TEAD4: variants seen among roughly 807,000 people sequenced by gnomAD.
The protein encoded by TEAD4 is TEA domain transcription factor 4.
Under a neutral mutation model 52.4 loss-of-function variants are expected in TEAD4, and 36 were observed. The observed-to-expected ratio is 0.69, with a 90% CI of 0.53 to 0.91. The LOEUF is 0.91. TEAD4 is among the 40% of genes least tolerant of loss of function. TEAD4 has a pLI of 0.00. For synonymous variants in TEAD4, 220 were observed against 231.0 expected, an observed-to-expected ratio of 0.95 and a Z score of 0.43; for missense variants, 508 against 583.9, an observed-to-expected ratio of 0.87 and a Z score of 1.34.
At chr12:3,017,852 C>T (rs573762690) in intron 6 of TEAD4, among the ~76,000 whole-genome samples, 7 of 152,304 alleles carry the variant, frequency 4.6e-5, no homozygotes, top group East Asian at 1.9e-4. Context: ...GGGGGCTGAG[C>T]GGAAGCCTGA....
chr12:3,014,594 C>T (rs915414359), intron 5 of TEAD4, among the ~76,000 whole-genome samples: 1 of 152,206 alleles, frequency 6.6e-6, no homozygotes, highest in Non-Finnish European at 1.5e-5. Flanking sequence ...TGGCTCTGCC[C>T]CGTGGCCGTG....
chr12:2,980,193 G>T (rs529373486), intron 2 of TEAD4, among the ~76,000 whole-genome samples: 1 of 152,096 alleles, frequency 6.6e-6, no homozygotes, highest in South Asian at 2.1e-4. Flanking sequence ...TTTCTTCCCC[G>T]AGATTCTTTC....
chr12:3,037,881 G>A lies in TEAD4; in HGVS notation c.898-87G>A, dbSNP rs189536401. The A allele has an allele frequency of 2.0e-5, 30 of 1,497,006 alleles. No individual in the cohort carries two copies. In the East Asian group the frequency reaches 4.3e-4, roughly 21 times the overall value. The allele number at this position is 1,497,006 out of a possible 1,614,324, so 92.7% of individuals were successfully genotyped here. A position where few individuals can be genotyped will look rare whatever the true frequency, so the allele number is the denominator to read the frequency against. On this transcript the variant is annotated intron_variant, in intron 10 of 12. Transcript: ENST00000359864. ...CTGATTTCTTCCCAGCCCTAGAGCCGGGACCGGGACCCTGAGGTCTCCTTG... is the reference window on the plus strand; with the variant it reads ...CTGATTTCTTCCCAGCCCTAGAGCCAGGACCGGGACCCTGAGGTCTCCTTG...
chr12:2,989,091 A>C (rs988033748), intron 2 of TEAD4, among the ~76,000 whole-genome samples: 1 of 152,086 alleles, frequency 6.6e-6, no homozygotes, highest in African/African-American at 2.4e-5. Context: ...CAGGTAAAAC[A>C]ACCCAGGGCA....
intron 11 of TEAD4, among the ~76,000 whole-genome samples, chr12:3,039,725 TC>T: frequency 6.6e-6 from 1 of 152,344 alleles, no homozygotes; most frequent in Non-Finnish European, 1.5e-5. Context: ...TCTCACTCTG[TC>T]GCCCAGGCTG....
intron 9 of TEAD4, among the ~76,000 whole-genome samples, chr12:3,021,341 A>C (rs2098268588): frequency 7.6e-6 from 1 of 131,996 alleles, no homozygotes; most frequent in African/African-American, 2.9e-5. Flanking sequence ...ACAGAGCCTC[A>C]CTCTGTCACC....
chr12:3,020,395 AGAGTGCT>A (rs1282454732), intron 8 of TEAD4, among the ~76,000 whole-genome samples: 2 of 151,846 alleles, frequency 1.3e-5, no homozygotes, highest in African/African-American at 4.8e-5. Flanking sequence ...GGTTCCATGC[AGAGTGCT>A]GAGTGGCCCG....
intron 5 of TEAD4, among the ~76,000 whole-genome samples, chr12:3,012,536 T>G (rs919102732): frequency 2.6e-5 from 4 of 152,072 alleles, no homozygotes; most frequent in African/African-American, 9.7e-5. Context: ...AGCCCTCATT[T>G]CTTGAGGGCC....
chr12:2,967,063 G>T (rs1233867957), intron 2 of TEAD4, among the ~76,000 whole-genome samples: 2 of 152,090 alleles, frequency 1.3e-5, no homozygotes, highest in African/African-American at 4.8e-5. Context: ...TAGAACCAGG[G>T]TTCAAAATCA....
At chr12:3,037,872 C>T in intron 10 of TEAD4, 96 bp from the exon 11 acceptor site, 1 of 1,448,868 alleles carries the variant, frequency 6.9e-7, no homozygotes, top group African/African-American at 1.4e-5. Flanking sequence ...TCTTCCCAGC[C>T]CTAGAGCCGG....
chr12:3,016,606 A>G (rs74761992), intron 5 of TEAD4, among the ~76,000 whole-genome samples: 2 of 147,474 alleles, frequency 1.4e-5, no homozygotes, highest in South Asian at 4.3e-4. Context: ...TGTCTCTGGA[A>G]AAAAAAAAAA....
intron 2 of TEAD4, among the ~76,000 whole-genome samples, chr12:2,991,277 C>T (rs1246075290): frequency 6.6e-6 from 1 of 152,194 alleles, no homozygotes; most frequent in Non-Finnish European, 1.5e-5. Context: ...GAGCTTTGCT[C>T]AGTCGTTTCT....
chr12:3,006,240 G>A lies in TEAD4; in HGVS notation c.227-4764G>A, dbSNP rs73248810. Among the ~76,000 whole-genome samples, 765 of 152,228 alleles carry A rather than the reference G, an allele frequency of 5.0e-3. 18 individuals carry two copies. The East Asian group carries it at 0.058, about 11-fold the overall frequency. On this transcript the variant is annotated intron_variant, in intron 3 of 12. Transcript: ENST00000359864. ...GATGTGTGCCTCGAAGGAGATGCTC[G>A]TTGGACCGTTTTGGATTTCGGATTT...
intron 5 of TEAD4, among the ~76,000 whole-genome samples, chr12:3,012,917 A>G (rs1466061023): frequency 6.6e-6 from 1 of 152,194 alleles, no homozygotes; most frequent in East Asian, 1.9e-4. Flanking sequence ...AAGATCTGAC[A>G]TTTGAGGCAT....
chr12:3,017,572 C>T (rs1355962818), intron 6 of TEAD4, 46 bp downstream of exon 6: 1 of 1,570,744 alleles, frequency 6.4e-7, no homozygotes, highest in Non-Finnish European at 8.6e-7. Context: ...CCCTCTCCTC[C>T]TCCCTCCTCC....
intron 6 of TEAD4, among the ~76,000 whole-genome samples, chr12:3,017,743 C>T (rs2098265652): frequency 6.6e-6 from 1 of 152,192 alleles, no homozygotes; most frequent in South Asian, 2.1e-4. Flanking sequence ...GGCAATGACT[C>T]CACAGACTTC....
At chr12:2,966,421 T>C (rs1179099109) in intron 2 of TEAD4, among the ~76,000 whole-genome samples, 3 of 151,612 alleles carry the variant, frequency 2.0e-5, no homozygotes, top group African/African-American at 4.9e-5. Context: ...TTCTTTCTTT[T>C]TTTTTTTTTG....
At chr12:3,008,284 G>A (rs2098257512) in intron 3 of TEAD4, among the ~76,000 whole-genome samples, 1 of 152,200 alleles carries the variant, frequency 6.6e-6, no homozygotes, top group Admixed American at 6.5e-5. Flanking sequence ...GGACTCTGGG[G>A]CAGAGTGTTC....
intron 2 of TEAD4, among the ~76,000 whole-genome samples, chr12:2,983,040 G>A (rs757280635): frequency 6.6e-5 from 10 of 152,068 alleles, no homozygotes; most frequent in Non-Finnish European, 1.2e-4. Flanking sequence ...CCTCCTTTCC[G>A]TCTCCTGACA....
Sources: allele counts gnomAD v4.1 joint callset (sites outside exome capture counted in the v4.1 genomes callset), GRCh38; gene constraint gnomAD v4.1.1; transcripts MANE v1.5; gene names NCBI Gene and HGNC (gene_info 2026-07-23, HGNC 2026-07-21).